The following LRRTM4 variants were observed in gnomAD, a reference collection of about 807,000 sequenced individuals.
LRRTM4 encodes leucine rich repeat transmembrane neuronal 4, also known as leucine-rich repeat transmembrane neuronal protein 4.
A neutral mutation model predicts 47.6 loss-of-function variants in LRRTM4; 25 were observed. The observed-to-expected ratio is 0.53, with a 90% confidence interval of 0.38 to 0.73. LRRTM4 has a LOEUF of 0.73. Among genes scored for constraint, LRRTM4 ranks in the 30% least tolerant of loss-of-function variants. LRRTM4 has a pLI of 0.00. For missense variants in LRRTM4, 638 were observed against 713.4 expected (o/e 0.89, Z 1.20); for synonymous variants, 311 against 269.5 (o/e 1.15, Z -1.51).
chr2:77,370,426 G>A (rs1672616686), intron 3 of LRRTM4, among the ~76,000 whole-genome samples: 1 of 151,672 alleles, frequency 6.6e-6, no homozygotes, highest in African/African-American at 2.4e-5. Context: ...GCAGAAAGTT[G>A]ATTTGATAGT....
At chr2:77,199,044 G>C (rs1015930235) in intron 3 of LRRTM4, among the ~76,000 whole-genome samples, 3 of 152,032 alleles carry the variant, frequency 2.0e-5, no homozygotes, top group Non-Finnish European at 4.4e-5. Context: ...CTGTAGATCT[G>C]TTTTAGCACT....
At chr2:77,123,919 C>T (rs138723427) in intron 3 of LRRTM4, among the ~76,000 whole-genome samples, 3 of 152,070 alleles carry the variant, frequency 2.0e-5, no homozygotes, top group Non-Finnish European at 4.4e-5. Context: ...TCACACTTTA[C>T]ATGCCATTGC....
chr2:77,220,900 T>C (rs184923674), intron 3 of LRRTM4, among the ~76,000 whole-genome samples: 234 of 152,168 alleles, frequency 1.5e-3, no homozygotes, highest in Admixed American at 0.014. Context: ...AAACACCTAA[T>C]TGTCAGATTC....
chr2:77,020,940 C>T (rs982156237), intron 3 of LRRTM4, among the ~76,000 whole-genome samples: 9 of 152,056 alleles, frequency 5.9e-5, no homozygotes, highest in Non-Finnish European at 7.4e-5. Flanking sequence ...TTCGAAGTTT[C>T]GAATTTTTGA....
intron 3 of LRRTM4, among the ~76,000 whole-genome samples, chr2:76,941,411 C>G (rs1307592981): frequency 6.6e-6 from 1 of 151,962 alleles, no homozygotes; most frequent in East Asian, 1.9e-4. Flanking sequence ...GTTTGCTGCA[C>G]CCATCAGCCC....
Position 77,321,305 on chromosome 2 carries a change from T to C in LRRTM4, c.1551+197013A>G, listed in dbSNP as rs1471322982. Among the ~76,000 whole-genome samples the C allele has an allele frequency of 2.6e-5, 4 of 152,020 alleles. No homozygotes were observed. The South Asian group carries it at 6.2e-4, about 24-fold the overall frequency. On this transcript the variant is annotated intron_variant, in intron 3 of 3. Coordinates refer to ENST00000409884, the MANE Select transcript of LRRTM4 (RefSeq NM_001134745.3). ...TTTATTGGTAGAATGCTTTAGTCTA[T>C]GTGTGTGCATGCAATAAAATCAATT...
At chr2:77,096,824 G>A (rs1670824802) in intron 3 of LRRTM4, among the ~76,000 whole-genome samples, 1 of 151,650 alleles carries the variant, frequency 6.6e-6, no homozygotes, top group Non-Finnish European at 1.5e-5. Context: ...TAAAAAATCA[G>A]GAGAAATAGA....
chr2:76,972,573 A>G (rs1159507245), intron 3 of LRRTM4, among the ~76,000 whole-genome samples: 3 of 151,710 alleles, frequency 2.0e-5, no homozygotes, highest in Non-Finnish European at 4.4e-5. Flanking sequence ...GTGCGCCACC[A>G]CACCTGGCTA....
chr2:76,881,378 T>C (rs532394319), intron 3 of LRRTM4, among the ~76,000 whole-genome samples: 111 of 151,330 alleles, frequency 7.3e-4, no homozygotes, highest in African/African-American at 2.7e-3. Flanking sequence ...CGTGGTATTT[T>C]TTTCACTTAC....
Position 76,968,367 on chromosome 2 carries a change from T to C in LRRTM4, c.1552-219451A>G, listed in dbSNP as rs927412296. ...ATATATATATATATATATATATATATATATATATATATATATACACATACA... is the reference window on the plus strand; with the variant it reads ...ATATATATATATATATATATATATACATATATATATATATATACACATACA... On this transcript the variant is annotated intron_variant, in intron 3 of 3. Transcript: ENST00000409884. 5.2e-3 allele frequency among the ~76,000 whole-genome samples: 662 copies of C among 126,934 alleles called. 20 individuals carry two copies. Among genetic ancestry groups the C allele is most frequent in the African/African-American group, 6.6e-3 (228 of 34,584 alleles). The allele number at this position is 126,934 out of a possible 152,430, so 83.3% of individuals were successfully genotyped here.
rs112406524 is a variant in LRRTM4 at position 76,904,982 on chromosome 2, T to C, written c.1552-156066A>G. Among the ~76,000 whole-genome samples the C allele has an allele frequency of 9.6e-3, 1,461 of 152,184 alleles. 7 individuals are homozygous for C. The highest frequency in any genetic ancestry group is 0.016 in the Non-Finnish European group (1,101 of 68,006). On this transcript the variant is annotated intron_variant, in intron 3 of 3. Coordinates refer to ENST00000409884, the MANE Select transcript of LRRTM4 (RefSeq NM_001134745.3). ...TGATTTCTGCATTTCCATCTGAGCA[T>C]TGAAGAAAGCAGTGGTTCTCCCAGA... is the stretch of plus-strand genomic sequence containing the variant.
intron 3 of LRRTM4, among the ~76,000 whole-genome samples, chr2:77,002,753 C>T (rs1377821638): frequency 1.3e-5 from 2 of 152,076 alleles, no homozygotes; most frequent in African/African-American, 4.8e-5. Context: ...GTCTTTTTCT[C>T]ATCATTTAGG....
intron 3 of LRRTM4, among the ~76,000 whole-genome samples, chr2:77,061,676 A>C (rs996603470): frequency 5.3e-5 from 8 of 152,138 alleles, no homozygotes; most frequent in African/African-American, 1.9e-4. Context: ...TATGTATCAA[A>C]CCAACTCTCA....
intron 3 of LRRTM4, among the ~76,000 whole-genome samples, chr2:77,229,794 A>T (rs1674914475): frequency 1.3e-5 from 2 of 152,090 alleles, no homozygotes; most frequent in South Asian, 4.1e-4. Flanking sequence ...TGCCTGAAAT[A>T]TTTTTTAAAT....
chr2:77,066,450 C>G (rs767571902), intron 3 of LRRTM4, among the ~76,000 whole-genome samples: 1 of 152,162 alleles, frequency 6.6e-6, no homozygotes, highest in Non-Finnish European at 1.5e-5. Flanking sequence ...TTCAAGTTAT[C>G]TAAGTTAATT....
At chr2:77,133,375 C>G (rs1320983009) in intron 3 of LRRTM4, among the ~76,000 whole-genome samples, 1 of 152,000 alleles carries the variant, frequency 6.6e-6, no homozygotes, top group Non-Finnish European at 1.5e-5. Flanking sequence ...GTTTTGCTGT[C>G]TATGCCTAAA....
At chr2:77,215,272 C>T (rs554168376) in intron 3 of LRRTM4, among the ~76,000 whole-genome samples, 97 of 152,224 alleles carry the variant, frequency 6.4e-4, no homozygotes, top group African/African-American at 2.2e-3. Flanking sequence ...AAGAAGATTT[C>T]GAAGGGAATG....
chr2:76,764,047 AGT>A (rs1327450277), intron 3 of LRRTM4, among the ~76,000 whole-genome samples: 2 of 152,146 alleles, frequency 1.3e-5, no homozygotes, highest in African/African-American at 4.8e-5. Context: ...AATGTGTTGT[AGT>A]GTTTAGAGGA....
intron 3 of LRRTM4, among the ~76,000 whole-genome samples, chr2:77,132,832 G>A (rs1411584952): frequency 1.3e-5 from 2 of 152,130 alleles, no homozygotes; most frequent in Non-Finnish European, 2.9e-5. Flanking sequence ...CACAGACTCA[G>A]AAGCATAGTT....
Sources: gnomAD v4.1 joint callset for allele counts (sites outside exome capture counted in the v4.1 genomes callset) on GRCh38, gnomAD v4.1.1 for gene constraint, MANE v1.5 for transcripts, NCBI Gene and HGNC (gene_info 2026-07-23, HGNC 2026-07-21) for gene names.